Variants in KY observed in about 807,000 individuals in gnomAD.
The protein encoded by KY is kyphoscoliosis peptidase.
KY carries 43 observed loss-of-function variants against 76.1 expected under a neutral mutation model. The observed-to-expected ratio is 0.57, with a 90% confidence interval of 0.44 to 0.73. The LOEUF is 0.73. Ranked by LOEUF, KY falls within the 30% of genes least tolerant of loss-of-function variation. The pLI, the probability that KY is intolerant of heterozygous loss-of-function variation, is 0.00. For synonymous variants in KY, 277 were observed against 326.2 expected, an observed-to-expected ratio of 0.85 and a Z score of 1.63; for missense variants, 722 against 828.9, an observed-to-expected ratio of 0.87 and a Z score of 1.58.
chr3:134,622,218 A>C (rs4955548), intron 6 of KY, among the ~76,000 whole-genome samples: 97,250 of 152,024 alleles, frequency 0.64, 31,783 homozygotes, highest in East Asian at 0.88. Context: ...AAGGTACGCA[A>C]CCAAAAAAAC....
At chr3:134,615,283 G>A (rs7621491) in intron 8 of KY, 148,239 of 151,710 alleles carry the variant, frequency 0.98, 72,505 homozygotes, top group East Asian at 1. Context: ...CTTGCCTGGG[G>A]ACACACAGCT....
At chr3:134,606,988 C>T (rs1032109067) in intron 10 of KY, 42 of 985,028 alleles carry the variant, frequency 4.3e-5, no homozygotes, top group Admixed American at 1.2e-4. Flanking sequence ...AAGAAATACT[C>T]TGTACATAAG....
At position 134,650,834 on chromosome 3, in the gene KY, G is replaced by C. The variant is rs1966872265; in HGVS notation, c.127C>G (p.Arg43Gly). Residue 43 changes from arginine (R) to glycine (G), a missense_variant, in exon 1 of 11, where the codon CGC becomes GGC. This residue lies in a region of KY where 170 missense variants were observed against 148.1 expected (regional missense o/e 1.15). Transcript: ENST00000423778. ...QQANPSSLLQRGGGFQGVGNG... is the reference protein window; with the variant it reads ...QQANPSSLLQGGGGFQGVGNG... ...GTCGGGCGCGCGTTACCTCCTCCGCGCTGCAGCAGCGAGCTCGGGTTCGCC... is the reference window on the plus strand; with the variant it reads ...GTCGGGCGCGCGTTACCTCCTCCGCCCTGCAGCAGCGAGCTCGGGTTCGCC... 6.3e-7 allele frequency: 1 copy of C among 1,596,460 alleles called. No homozygotes were observed. Among genetic ancestry groups the C allele is most frequent in the South Asian group, 1.1e-5 (1 of 90,014 alleles).
At chr3:134,642,317 A>C (rs1485413674) in intron 3 of KY, among the ~76,000 whole-genome samples, 1 of 152,160 alleles carries the variant, frequency 6.6e-6, no homozygotes, top group Non-Finnish European at 1.5e-5. Context: ...TCTGAATTTG[A>C]TCAGATAATT....
chr3:134,624,673 C>T (rs976613075), intron 6 of KY, among the ~76,000 whole-genome samples: 20 of 152,194 alleles, frequency 1.3e-4, no homozygotes, highest in African/African-American at 4.1e-4. Flanking sequence ...TCTGCATCCA[C>T]GGTCCTCCCA....
rs1958937694 is a variant in KY, at chr3:134,600,981, G to A, written c.*2598C>T. The stretch of plus-strand genomic sequence containing the variant: ...AAAAGCCCGGTGATAGATCAGCCTC[G>A]CGGTGTGCAGCGCCGGCAGCTCCGC... On this transcript the variant is annotated 3_prime_UTR_variant, in exon 11 of 11. Coordinates refer to ENST00000423778, the MANE Select transcript of KY (RefSeq NM_178554.6). 1 of 152,198 alleles carries A rather than the reference G, an allele frequency of 6.6e-6. No individual in the cohort carries two copies. Among genetic ancestry groups the A allele is most frequent in the African/African-American group, 2.4e-5 (1 of 41,446 alleles). The allele number at this position is 152,198 out of a possible 1,614,324, so 9.4% of individuals were successfully genotyped here.
chr3:134,632,759 T>C (rs904050596), intron 3 of KY, among the ~76,000 whole-genome samples: 1 of 151,616 alleles, frequency 6.6e-6, no homozygotes, highest in Non-Finnish European at 1.5e-5. Flanking sequence ...AATAAGAGAA[T>C]AAATCACTGA....
In KY at chr3:134,615,527, T is replaced by C. The variant is rs534076285; in HGVS notation, c.710+3621A>G. 1.3e-4 allele frequency: 20 copies of C among 152,094 alleles called. 1 individual carries two copies. Among genetic ancestry groups the C allele is most frequent in the African/African-American group, 4.6e-4 (19 of 41,406 alleles). The allele number at this position is 152,094 out of a possible 1,614,324, so 9.4% of individuals were successfully genotyped here. On this transcript the variant is annotated intron_variant, in intron 8 of 10. Transcript: ENST00000423778. The stretch of plus-strand genomic sequence containing the variant: ...AGTTTTAGGATACATGTGCACAATG[T>C]TGCACCAGCTCTTTTGTAAATCAAG...
At chr3:134,645,970 A>G (rs1966394872) in intron 2 of KY, among the ~76,000 whole-genome samples, 2 of 152,232 alleles carry the variant, frequency 1.3e-5, no homozygotes, top group Admixed American at 6.5e-5. Context: ...AACATGCCTG[A>G]GAAGCCCTAA....
intron 4 of KY, chr3:134,629,390 A>G (rs780956590): frequency 3.8e-6 from 2 of 527,066 alleles, no homozygotes; most frequent in Non-Finnish European, 6.8e-6. Context: ...TCTTCAGCTA[A>G]ATGTCTGTGT....
rs1355550350 is a variant in KY, at chr3:134,608,806, T to C, written c.933A>G (p.Ala311=). The C allele has an allele frequency of 6.2e-7, 1 of 1,613,244 alleles. No homozygotes were observed. The highest frequency in any genetic ancestry group is 8.5e-7 in the Non-Finnish European group (1 of 1,179,254). Residue 311 remains alanine, a synonymous_variant, in exon 10 of 11, where the codon GCA becomes GCG. Transcript: ENST00000423778. ...YNEFYFLTHP[A]LFIEDHFPDN... is the part of the protein sequence containing the mutation. Reference sequence around the variant, plus strand: ...CTGGGAAGTGGTCCTCGATGAACAGTGCAGGGTGGGTGAGGAAGTAGAACT... The same window carrying C: ...CTGGGAAGTGGTCCTCGATGAACAGCGCAGGGTGGGTGAGGAAGTAGAACT...
At chr3:134,629,769 TG>T (rs1963976511) in intron 3 of KY, 74 bp from the exon 4 acceptor site, 1 of 867,894 alleles carries the variant, frequency 1.2e-6, no homozygotes, top group African/African-American at 1.7e-5. Context: ...GACTGATGAT[TG>T]AATAAAAAAA....
chr3:134,643,047 G>A (rs1965956828), intron 3 of KY, among the ~76,000 whole-genome samples: 1 of 152,210 alleles, frequency 6.6e-6, no homozygotes, highest in Non-Finnish European at 1.5e-5. Context: ...AGTGATGACA[G>A]TAATAGTGAT....
At chr3:134,623,332 C>T (rs1262030085) in intron 6 of KY, among the ~76,000 whole-genome samples, 1 of 152,178 alleles carries the variant, frequency 6.6e-6, no homozygotes, top group African/African-American at 2.4e-5. Flanking sequence ...CCAGACCCCA[C>T]CCACTTTCCT....
chr3:134,650,612 T>C (rs1966858504), intron 1 of KY, among the ~76,000 whole-genome samples: 1 of 152,140 alleles, frequency 6.6e-6, no homozygotes, highest in Non-Finnish European at 1.5e-5. Context: ...GGAGTGAAAC[T>C]GGGGCAATCA....
chr3:134,606,784 A>G (rs4074522), intron 10 of KY, among the ~76,000 whole-genome samples: 50,119 of 151,330 alleles, frequency 0.33, 8,614 homozygotes, highest in South Asian at 0.36. Context: ...GCAGACCTCT[A>G]TGGGAGTCCA....
At chr3:134,640,864 C>T (rs908582982) in intron 3 of KY, among the ~76,000 whole-genome samples, 8 of 152,218 alleles carry the variant, frequency 5.3e-5, no homozygotes, top group African/African-American at 1.9e-4. Flanking sequence ...TAAGGGTTGT[C>T]TTGCTTCCAA....
At position 134,646,703 on chromosome 3, in the gene KY, G is replaced by A. The variant is rs200881651; in HGVS notation, c.199+732C>T. The stretch of plus-strand genomic sequence containing the variant: ...GGGTGGTTCCTTTACACTGGCATTT[G>A]ATAAGCCAGTCATCTGATCCTAGGG... On this transcript the variant is annotated intron_variant, in intron 2 of 10. Coordinates refer to ENST00000423778, the MANE Select transcript of KY (RefSeq NM_178554.6). 3.9e-5 allele frequency among the ~76,000 whole-genome samples: 6 copies of A among 152,224 alleles called. No individual in the cohort carries two copies. The East Asian group carries it at 1.2e-3, about 29-fold the overall frequency.
intron 3 of KY, among the ~76,000 whole-genome samples, chr3:134,636,688 G>A (rs1382342933): frequency 6.6e-6 from 1 of 152,204 alleles, no homozygotes; most frequent in East Asian, 1.9e-4. Flanking sequence ...AGATTGGTGA[G>A]CTCGTAAATG....
Sources: gnomAD v4.1 joint callset for allele counts (sites outside exome capture counted in the v4.1 genomes callset) on GRCh38, gnomAD v4.1.1 for gene constraint, gnomAD v4.1.1 regional missense constraint, MANE v1.5 for transcripts, NCBI Gene and HGNC (gene_info 2026-07-23, HGNC 2026-07-21) for gene names.